The following DLGAP4 variants were observed in gnomAD, a reference collection of about 807,000 sequenced individuals.
DLGAP4 encodes the protein disks large-associated protein 4.
DLGAP4 carries 18 observed loss-of-function variants against 86.9 expected under a neutral mutation model. The ratio of observed to expected loss-of-function variants is 0.21; its 90% CI spans 0.14 to 0.31. The LOEUF (loss-of-function observed/expected upper bound fraction) is 0.31. Among genes scored for constraint, DLGAP4 ranks in the 10% least tolerant of loss-of-function variants. DLGAP4 has a pLI of 1.00. For missense variants in DLGAP4, 1,085 were observed against 1,362.6 expected (o/e 0.80, Z 3.21); for synonymous variants, 548 against 574.3 (o/e 0.95, Z 0.65).
At chr20:36,474,965 C>T (rs1197832569) in intron 7 of DLGAP4, among the ~76,000 whole-genome samples, 1 of 151,980 alleles carries the variant, frequency 6.6e-6, no homozygotes, top group Non-Finnish European at 1.5e-5. Context: ...TGATGAGAAC[C>T]CTAAAGGAAA....
chr20:36,439,482 C>T (rs1170836119), intron 4 of DLGAP4, among the ~76,000 whole-genome samples: 10 of 152,174 alleles, frequency 6.6e-5, no homozygotes, highest in Admixed American at 6.5e-4. Context: ...AGAGCTGATG[C>T]CCTTTGGGAG....
At chr20:36,498,079 C>G (rs938798865) in intron 8 of DLGAP4, 1 of 152,276 alleles carries the variant, frequency 6.6e-6, no homozygotes, top group Non-Finnish European at 1.5e-5. Flanking sequence ...TCCAGCCACC[C>G]CTGAGCAATT....
intron 1 of DLGAP4, among the ~76,000 whole-genome samples, chr20:36,360,868 G>A (rs575929942): frequency 1.4e-4 from 22 of 152,136 alleles, no homozygotes; most frequent in African/African-American, 4.8e-4. Flanking sequence ...TAGGGGAGAA[G>A]GGGATGAGGT....
At chr20:36,503,115 C>T (rs1416144036) in intron 10 of DLGAP4, among the ~76,000 whole-genome samples, 1 of 152,166 alleles carries the variant, frequency 6.6e-6, no homozygotes, top group Non-Finnish European at 1.5e-5. Flanking sequence ...GCTGTACCTG[C>T]TGTGTGGATC....
At chr20:36,464,996 G>T (rs2034277529) in intron 7 of DLGAP4, among the ~76,000 whole-genome samples, 2 of 152,090 alleles carry the variant, frequency 1.3e-5, no homozygotes, top group Non-Finnish European at 2.9e-5. Context: ...TTCTTATCTG[G>T]ACTCAAGATC....
At chr20:36,359,004 G>A (rs911946234) in intron 1 of DLGAP4, among the ~76,000 whole-genome samples, 16 of 152,186 alleles carry the variant, frequency 1.1e-4, no homozygotes, top group Non-Finnish European at 2.9e-5. Flanking sequence ...CTTCCAGTCT[G>A]GGATTGAGAA....
chr20:36,321,526 T>C (rs1243357322), intron 1 of DLGAP4, among the ~76,000 whole-genome samples: 2 of 152,228 alleles, frequency 1.3e-5, no homozygotes, highest in Non-Finnish European at 2.9e-5. Flanking sequence ...CTGCCCAGCC[T>C]GGTGGGAATC....
intron 1 of DLGAP4, among the ~76,000 whole-genome samples, chr20:36,356,301 G>C (rs1165343415): frequency 6.7e-6 from 1 of 149,910 alleles, no homozygotes; most frequent in East Asian, 1.9e-4. Context: ...CATTGTTTTT[G>C]TTTGTTTGTT....
At chr20:36,525,713 A>C in intron 11 of DLGAP4, 138 bp from the exon 12 acceptor site, 2 of 1,152,808 alleles carry the variant, frequency 1.7e-6, no homozygotes, top group South Asian at 1.4e-5. Flanking sequence ...ATTCATACAG[A>C]TACTTACCCA....
At chr20:36,508,513 A>G (rs6014352) in intron 10 of DLGAP4, among the ~76,000 whole-genome samples, 6,709 of 131,018 alleles carry the variant, frequency 0.051, 528 homozygotes, top group African/African-American at 0.18. Context: ...CGCAACCTCC[A>G]CCTCCCGGGT....
In DLGAP4 at chr20:36,501,169, A is replaced by G. The variant is rs542932261; in HGVS notation, c.2512+558A>G. ...AAACCTCTGCCTCCCAAGTTCAAGC[A>G]ATTCTCCTGCCTCAGCCTCCTGAGT... On this transcript the variant is annotated intron_variant, in intron 10 of 12. Coordinates refer to ENST00000339266, the MANE Select transcript of DLGAP4 (RefSeq NM_001365621.2). Among the ~76,000 whole-genome samples the G allele has an allele frequency of 1.4e-4, 21 of 150,974 alleles. No homozygotes were observed. In the East Asian group the frequency reaches 3.9e-3, roughly 28 times the overall value.
intron 10 of DLGAP4, among the ~76,000 whole-genome samples, chr20:36,501,590 T>C (rs1045687897): frequency 1.3e-5 from 2 of 150,466 alleles, no homozygotes; most frequent in Non-Finnish European, 3.0e-5. Context: ...GGAAGGCAGG[T>C]CCTGGGAAGC....
In DLGAP4 at chr20:36,350,434, C is replaced by G. The variant is rs149296809; in HGVS notation, c.-303-16611C>G. Among the ~76,000 whole-genome samples the G allele has an allele frequency of 7.6e-4, 116 of 152,324 alleles. 1 individual carries two copies. In the East Asian group the frequency reaches 0.016, roughly 22 times the overall value. On this transcript the variant is annotated intron_variant, in intron 1 of 12. Coordinates refer to ENST00000339266, the MANE Select transcript of DLGAP4 (RefSeq NM_001365621.2). This position sits in a 1 kb window ranked among gnomAD's most constrained non-coding sequence, Gnocchi z 4.4. Reference sequence around the variant, plus strand: ...TCTCCATCCCCAGCACCTGCCCCATCCTGACTCCGCTGACACTCAGAATTC... The same window carrying G: ...TCTCCATCCCCAGCACCTGCCCCATGCTGACTCCGCTGACACTCAGAATTC...
intron 10 of DLGAP4, among the ~76,000 whole-genome samples, chr20:36,506,556 C>T (rs1265056507): frequency 3.9e-5 from 6 of 152,222 alleles, no homozygotes; most frequent in African/African-American, 1.4e-4. Flanking sequence ...TGCCCACCCA[C>T]CCAGGTGGCT....
chr20:36,427,294 T>C (rs964343844), intron 2 of DLGAP4, among the ~76,000 whole-genome samples: 2 of 152,054 alleles, frequency 1.3e-5, no homozygotes, highest in African/African-American at 4.8e-5. Context: ...CTGGCCAACA[T>C]AGTGAAACCC....
intron 9 of DLGAP4, among the ~76,000 whole-genome samples, 161 bp downstream of exon 9, chr20:36,499,837 G>C (rs551264874): frequency 5.4e-4 from 82 of 152,294 alleles, no homozygotes; most frequent in Admixed American, 3.9e-4. Context: ...GCTGGGCAGG[G>C]GCGGGCGGGT....
intron 5 of DLGAP4, among the ~76,000 whole-genome samples, chr20:36,441,853 C>G (rs960874350): frequency 6.6e-6 from 1 of 152,168 alleles, no homozygotes; most frequent in Admixed American, 6.6e-5. Context: ...CATCTCCACC[C>G]CCGCCTGGGC....
At chr20:36,327,591 T>TC (rs1491323717) in intron 1 of DLGAP4, among the ~76,000 whole-genome samples, 1 of 115,988 alleles carries the variant, frequency 8.6e-6, no homozygotes, top group African/African-American at 4.8e-5. Flanking sequence ...GGTTAAATTC[T>TC]TTTTTTTTTT....
intron 1 of DLGAP4, among the ~76,000 whole-genome samples, chr20:36,365,360 A>C (rs1220581923): frequency 2.0e-5 from 3 of 152,208 alleles, no homozygotes; most frequent in Admixed American, 2.0e-4. Context: ...GGCAATTTTC[A>C]CACCTTATGG....
Sources: allele counts gnomAD v4.1 joint callset (sites outside exome capture counted in the v4.1 genomes callset), GRCh38; gene constraint gnomAD v4.1.1; non-coding constraint Gnocchi (gnomAD v3.1); transcripts MANE v1.5; gene names NCBI Gene and HGNC (gene_info 2026-07-23, HGNC 2026-07-21).